The following PDE4D variants were observed in gnomAD, a reference collection of about 807,000 sequenced individuals.
The protein encoded by PDE4D is phosphodiesterase 4D, also known as 3',5'-cyclic-AMP phosphodiesterase 4D.
A neutral mutation model predicts 87.4 loss-of-function variants in PDE4D; 24 were observed. The ratio of observed to expected loss-of-function variants is 0.27; its 90% CI spans 0.20 to 0.39. The LOEUF (loss-of-function observed/expected upper bound fraction) is 0.39. PDE4D is among the 10% of genes least tolerant of loss of function. PDE4D has a pLI of 1.00. For synonymous variants in PDE4D, 384 were observed against 383.2 expected (o/e 1.00, Z -0.02); for missense variants, 714 against 1,041.0 (o/e 0.69, Z 4.32).
At chr5:59,809,401 GTTTAATT>G (rs889933930) in intron 1 of PDE4D, among the ~76,000 whole-genome samples, 1 of 152,092 alleles carries the variant, frequency 6.6e-6, no homozygotes, top group Non-Finnish European at 1.5e-5. Flanking sequence ...TTACCCTCTA[GTTTAATT>G]TTTAAAGTGT....
intron 1 of PDE4D, among the ~76,000 whole-genome samples, chr5:59,707,881 C>A (rs535194477): frequency 6.6e-6 from 1 of 152,140 alleles, no homozygotes. Flanking sequence ...TGGGTTGATT[C>A]CATGCCTTGC....
At chr5:59,555,122 T>C (rs535728463) in intron 1 of PDE4D, among the ~76,000 whole-genome samples, 20 of 152,246 alleles carry the variant, frequency 1.3e-4, no homozygotes, top group South Asian at 8.3e-4. Context: ...CAATGGCAGA[T>C]TGGATAAAGA....
intron 1 of PDE4D, among the ~76,000 whole-genome samples, chr5:59,714,812 G>C (rs1237313478): frequency 6.6e-6 from 1 of 152,200 alleles, no homozygotes; most frequent in Non-Finnish European, 1.5e-5. Context: ...TTTAGAAGCG[G>C]CAATGCTCCT....
chr5:60,354,453 T>C (rs1032835318), intron 1 of PDE4D, among the ~76,000 whole-genome samples: 1 of 152,190 alleles, frequency 6.6e-6, no homozygotes, highest in Non-Finnish European at 1.5e-5. Flanking sequence ...GCAGTCTCCA[T>C]ACATAGCAAG....
At chr5:59,972,497 AC>A (rs1760892037) in intron 3 of PDE4D, among the ~76,000 whole-genome samples, 1 of 152,266 alleles carries the variant, frequency 6.6e-6, no homozygotes, top group African/African-American at 2.4e-5. Context: ...TAGGTCGCTC[AC>A]AAAGAAGGTA....
intron 1 of PDE4D, among the ~76,000 whole-genome samples, chr5:59,337,328 C>A (rs1261380137): frequency 2.5e-4 from 37 of 145,488 alleles, no homozygotes; most frequent in African/African-American, 8.0e-4. Flanking sequence ...TAAGTTCCCC[C>A]CCCCCCACCT....
intron 1 of PDE4D, among the ~76,000 whole-genome samples, chr5:60,207,060 G>T (rs1011616386): frequency 6.6e-6 from 1 of 152,162 alleles, no homozygotes; most frequent in African/African-American, 2.4e-5. Context: ...CTTACAGATA[G>T]GTCCATAAGG....
At chr5:59,917,424 T>C (rs1020492605) in intron 3 of PDE4D, among the ~76,000 whole-genome samples, 2 of 152,138 alleles carry the variant, frequency 1.3e-5, no homozygotes, top group Admixed American at 6.5e-5. Context: ...AGGGCACTGA[T>C]CACCCTCTCT....
At chr5:59,965,388 C>T (rs551591178) in intron 3 of PDE4D, among the ~76,000 whole-genome samples, 1 of 152,298 alleles carries the variant, frequency 6.6e-6, no homozygotes, top group South Asian at 2.1e-4. Flanking sequence ...TTCAAAGTTA[C>T]ATTCTCAGTG....
At chr5:58,980,138 T>C (rs1360522968) in intron 11 of PDE4D, among the ~76,000 whole-genome samples, 2 of 152,226 alleles carry the variant, frequency 1.3e-5, no homozygotes, top group East Asian at 3.9e-4. Flanking sequence ...TGGAGCCATA[T>C]AGGTGGGAAG....
intron 5 of PDE4D, among the ~76,000 whole-genome samples, chr5:59,128,979 G>T (rs1775902397): frequency 6.6e-6 from 1 of 152,180 alleles, no homozygotes; most frequent in African/African-American, 2.4e-5. Context: ...ACAAACTAAA[G>T]CTGTCTCTCT....
At chr5:60,053,273 C>T (rs1338405512) in intron 2 of PDE4D, among the ~76,000 whole-genome samples, 3 of 152,180 alleles carry the variant, frequency 2.0e-5, no homozygotes, top group African/African-American at 7.2e-5. Context: ...AGGCATCATG[C>T]TACCTGACTT....
chr5:59,186,815 C>G (rs1490412169), intron 3 of PDE4D, among the ~76,000 whole-genome samples: 1 of 152,162 alleles, frequency 6.6e-6, no homozygotes, highest in African/African-American at 2.4e-5. Flanking sequence ...TGAAAGGTCA[C>G]GCTGCCTATG....
rs1749003382 is a variant in PDE4D at position 58,995,447 on chromosome 5, T to C, written c.922-1982A>G. Among the ~76,000 whole-genome samples, 3 of 152,228 alleles carry C rather than the reference T, an allele frequency of 2.0e-5. No homozygotes were observed. The South Asian group carries it at 6.2e-4, about 31-fold the overall frequency. On this transcript the variant is annotated intron_variant, in intron 6 of 14. Coordinates refer to ENST00000340635, the MANE Select transcript of PDE4D (RefSeq NM_001104631.2). ...AAATAAACTTTGGGCCTTCTAAGAA[T>C]ATTTGTAGACATTTATAATAGAGTT...
chr5:60,334,234 T>C (rs145665609), intron 1 of PDE4D, among the ~76,000 whole-genome samples: 3 of 152,276 alleles, frequency 2.0e-5, no homozygotes, highest in African/African-American at 7.2e-5. Flanking sequence ...AAAGGCAAAT[T>C]CTGGTAGCCC....
chr5:60,278,241 T>A (rs1751564655), intron 1 of PDE4D, among the ~76,000 whole-genome samples: 1 of 152,206 alleles, frequency 6.6e-6, no homozygotes, highest in African/African-American at 2.4e-5. Context: ...GTGTCACTTC[T>A]TTCTGGTCTC....
rs376734768 is a variant in PDE4D, at chr5:60,280,327, A to T, written c.-89-94640T>A. ...CTATATACATACATATATATATATA[A>T]ATATATATACACACATATATATAAA... On this transcript the variant is annotated intron_variant, in intron 1 of 16. Transcript: ENST00000502484. Among the ~76,000 whole-genome samples the T allele has an allele frequency of 1.4e-3, 202 of 142,602 alleles. 2 individuals carry two copies. The Middle Eastern group carries it at 0.029, about 20-fold the overall frequency. 93.6% of individuals were successfully genotyped at this position (142,602 alleles called of 152,430 possible).
intron 1 of PDE4D, chr5:60,487,851 G>A (rs1020300653): frequency 1.4e-4 from 22 of 152,300 alleles, no homozygotes; most frequent in African/African-American, 4.6e-4. Context: ...CGAATCATCT[G>A]CTAGTTCAGT....
chr5:60,461,359 C>T (rs963931908), intron 1 of PDE4D, among the ~76,000 whole-genome samples: 1 of 152,186 alleles, frequency 6.6e-6, no homozygotes, highest in African/African-American at 2.4e-5. Context: ...GCACAATCTG[C>T]CTGCTGTGCA....
Sources: allele counts gnomAD v4.1 joint callset (sites outside exome capture counted in the v4.1 genomes callset), GRCh38; gene constraint gnomAD v4.1.1; transcripts MANE v1.5; gene names NCBI Gene and HGNC (gene_info 2026-07-23, HGNC 2026-07-21).